MAGOH: variants seen among roughly 807,000 people sequenced by gnomAD.
MAGOH encodes mago homolog, exon junction complex subunit, also known as protein mago nashi homolog.
A neutral mutation model predicts 20.9 loss-of-function variants in MAGOH; 3 were observed. The observed-to-expected ratio is 0.14, with a 90% CI of 0.07 to 0.37. The LOEUF (loss-of-function observed/expected upper bound fraction) is 0.37, where lower values mean the gene tolerates loss of function less well. Ranked by LOEUF, MAGOH falls within the 10% of genes least tolerant of loss-of-function variation. The probability of loss-of-function intolerance (pLI) is 1.00; values close to 1 mark genes in which losing one functional copy is unlikely to be tolerated. For synonymous variants in MAGOH, 51 were observed against 61.0 expected (o/e 0.84, Z 0.76); for missense variants, 66 against 178.1 (o/e 0.37, Z 3.58).
intron 1 of MAGOH, among the ~76,000 whole-genome samples, chr1:53,236,835 C>T (rs1428225600): frequency 6.6e-6 from 1 of 152,202 alleles, no homozygotes; most frequent in African/African-American, 2.4e-5. Flanking sequence ...TCCTTCACCA[C>T]AGTGCCTCTG....
At chr1:53,238,085 C>T (rs1557729775) in intron 1 of MAGOH, among the ~76,000 whole-genome samples, 1 of 152,342 alleles carries the variant, frequency 6.6e-6, no homozygotes, top group Admixed American at 6.5e-5. Context: ...GGCAGTAAAA[C>T]ACAAGTTCCA....
Position 53,238,511 on chromosome 1 carries a change from C to T in MAGOH, c.-63G>A. ...CAAGCCGCACTGCCGCCGTCTGCGC[C>T]CGACACTGACGTTTGCGGCGGCGCG... On this transcript the variant is annotated 5_prime_UTR_variant, in exon 1 of 5. Coordinates refer to ENST00000371470, the MANE Select transcript of MAGOH (RefSeq NM_002370.4). The T allele has an allele frequency of 2.1e-6, 3 of 1,457,558 alleles. No homozygotes were observed. Among genetic ancestry groups the T allele is most frequent in the South Asian group, 1.1e-5 (1 of 87,896 alleles). The allele number at this position is 1,457,558 out of a possible 1,614,324, so 90.3% of individuals were successfully genotyped here. A position where few individuals can be genotyped will look rare whatever the true frequency, so the allele number is the denominator to read the frequency against.
Position 53,238,486 on chromosome 1 carries a change from C to G in MAGOH, c.-38G>C. On this transcript the variant is annotated 5_prime_UTR_variant, in exon 1 of 5. Coordinates refer to ENST00000371470, the MANE Select transcript of MAGOH (RefSeq NM_002370.4). ...ACAACCGAGCCTGAACTTCCAAGAG[C>G]AAGCCGCACTGCCGCCGTCTGCGCC... The G allele has an allele frequency of 6.3e-7, 1 of 1,577,078 alleles. No homozygotes were observed. Among genetic ancestry groups the G allele is most frequent in the Non-Finnish European group, 8.7e-7 (1 of 1,146,408 alleles).
intron 3 of MAGOH, among the ~76,000 whole-genome samples, chr1:53,230,205 T>G (rs891907100): frequency 1.3e-5 from 2 of 152,254 alleles, no homozygotes; most frequent in Non-Finnish European, 2.9e-5. Flanking sequence ...TTTCTTCTTT[T>G]TGATTCATAT....
chr1:53,229,227 C>T (rs1645574556), intron 3 of MAGOH, among the ~76,000 whole-genome samples: 1 of 149,204 alleles, frequency 6.7e-6, no homozygotes, highest in Non-Finnish European at 1.5e-5. Context: ...GAGACAGAGT[C>T]TCACTCTGTT....
chr1:53,236,770 G>A (rs143940863), intron 1 of MAGOH, among the ~76,000 whole-genome samples: 225 of 152,286 alleles, frequency 1.5e-3, no homozygotes, highest in African/African-American at 5.1e-3. Context: ...AGGCCTGTCA[G>A]ATTCATCTTT....
intron 3 of MAGOH, among the ~76,000 whole-genome samples, chr1:53,231,053 A>C (rs1260876401): frequency 1.3e-5 from 2 of 152,130 alleles, no homozygotes; most frequent in African/African-American, 4.8e-5. Flanking sequence ...CGGTTATACT[A>C]ATTTTATTCT....
At chr1:53,232,108 TA>T (rs747003460) in intron 3 of MAGOH, among the ~76,000 whole-genome samples, 37 of 152,128 alleles carry the variant, frequency 2.4e-4, no homozygotes, top group Non-Finnish European at 4.6e-4. Context: ...TTAATAGAAA[TA>T]AAAATTTTAT....
intron 2 of MAGOH, among the ~76,000 whole-genome samples, chr1:53,234,097 T>C (rs1410489018): frequency 6.6e-6 from 1 of 152,176 alleles, no homozygotes; most frequent in Non-Finnish European, 1.5e-5. Flanking sequence ...ATTAGTGCTT[T>C]AGGAGAGAGC....
intron 3 of MAGOH, among the ~76,000 whole-genome samples, chr1:53,229,196 G>GGTTT (rs1244910393): frequency 1.3e-5 from 2 of 151,138 alleles, no homozygotes; most frequent in African/African-American, 4.9e-5. Context: ...AATCTATGTA[G>GGTTT]GTTTTTTTTT....
rs1426235283 is a variant in MAGOH at position 53,228,865 on chromosome 1, C to A, written c.341+7G>T. Reference sequence around the variant, plus strand: ...CACAACTGGATATAAGGATCATGCACACTTACTTGGATTGATTGACATCAA... The same window carrying A: ...CACAACTGGATATAAGGATCATGCAAACTTACTTGGATTGATTGACATCAA... On this transcript the variant is annotated splice_region_variant and intron_variant, in intron 4 of 4. Coordinates refer to ENST00000371470, the MANE Select transcript of MAGOH (RefSeq NM_002370.4). 1 of 1,594,424 alleles carries A rather than the reference C, an allele frequency of 6.3e-7. No individual in the cohort carries two copies. Among genetic ancestry groups the A allele is most frequent in the Non-Finnish European group, 8.6e-7 (1 of 1,162,186 alleles).
chr1:53,234,895 C>T (rs192925645), intron 2 of MAGOH, among the ~76,000 whole-genome samples: 75 of 152,230 alleles, frequency 4.9e-4, no homozygotes, highest in Non-Finnish European at 9.4e-4. Flanking sequence ...GTAGAAATCA[C>T]AGAACGGAGA....
chr1:53,237,611 T>G (rs1444829166), intron 1 of MAGOH, among the ~76,000 whole-genome samples: 3 of 141,890 alleles, frequency 2.1e-5, no homozygotes, highest in Non-Finnish European at 4.5e-5. Context: ...GAGGCGGAGG[T>G]TGCAATAAGC....
chr1:53,234,044 T>C (rs1480937230), intron 2 of MAGOH: 4 of 179,212 alleles, frequency 2.2e-5, no homozygotes, highest in Non-Finnish European at 4.8e-5. Flanking sequence ...GATAGGGCCT[T>C]TAGGAGGTGA....
At position 53,233,604 on chromosome 1, in the gene MAGOH, C is replaced by T; in HGVS notation, c.196G>A (p.Asp66Asn). ...VMEELKRIID[D>N]SEITKEDDAL... ...TCATCCTCTTTGGTAATTTCACTGT[C>T]GTCAATTATTCTCTTCAGTTCCTCC... The change falls in exon 3 of 5, where the codon GAC (aspartate) becomes AAC (asparagine). Residue 66 changes from aspartate (D) to asparagine (N), a missense_variant. Transcript: ENST00000371470. The T allele has an allele frequency of 3.7e-6, 6 of 1,614,066 alleles. No individual in the cohort carries two copies. Among genetic ancestry groups the T allele is most frequent in the Non-Finnish European group, 5.1e-6 (6 of 1,179,980 alleles).
intron 3 of MAGOH, among the ~76,000 whole-genome samples, chr1:53,229,999 T>C (rs937698575): frequency 1.3e-5 from 2 of 152,174 alleles, no homozygotes; most frequent in Non-Finnish European, 2.9e-5. Context: ...ATCCCCACTT[T>C]GTCACTCCCT....
intron 4 of MAGOH, among the ~76,000 whole-genome samples, chr1:53,228,009 G>T (rs1325361987): frequency 6.6e-6 from 1 of 152,186 alleles, no homozygotes; most frequent in Non-Finnish European, 1.5e-5. Flanking sequence ...AAGAGCCAAA[G>T]AAGTTGCCAA....
intron 3 of MAGOH, among the ~76,000 whole-genome samples, chr1:53,232,033 C>T (rs139270369): frequency 3.5e-4 from 53 of 152,244 alleles, no homozygotes; most frequent in African/African-American, 1.3e-3. Flanking sequence ...TATCCAATGG[C>T]TTATTGCTGG....
intron 2 of MAGOH, 29 bp downstream of exon 2, chr1:53,235,548 A>G: frequency 6.3e-7 from 1 of 1,593,398 alleles, no homozygotes; most frequent in South Asian, 1.1e-5. Flanking sequence ...TAGCAAATGA[A>G]GGACTCTCAG....
Sources: gnomAD v4.1 joint callset for allele counts (sites outside exome capture counted in the v4.1 genomes callset) on GRCh38, gnomAD v4.1.1 for gene constraint, MANE v1.5 for transcripts, NCBI Gene and HGNC (gene_info 2026-07-23, HGNC 2026-07-21) for gene names.